Variants in ACTR3C observed in about 807,000 individuals in gnomAD.
ACTR3C encodes actin-related protein 3C.
In ACTR3C, 18 loss-of-function variants were observed where a neutral mutation model predicts 26.3. The ratio of observed to expected loss-of-function variants is 0.68; its 90% CI spans 0.47 to 1.01. The LOEUF (loss-of-function observed/expected upper bound fraction) is 1.01. ACTR3C is among the 50% of genes least tolerant of loss of function. The pLI is 0.00. For missense variants in ACTR3C, 184 were observed against 250.7 expected, an observed-to-expected ratio of 0.73 and a Z score of 1.80; for synonymous variants, 55 against 94.5, an observed-to-expected ratio of 0.58 and a Z score of 2.42.
At chr7:149,908,360 A>G in the ACTR3C span, among the ~76,000 whole-genome samples, 2,369 of 152,334 alleles carry the variant, frequency 0.016, 57 homozygotes, top group African/African-American at 0.054. Context: ...GCCTGTCATC[A>G]GGATAACCCA....
chr7:149,962,508 G>A, the ACTR3C span, among the ~76,000 whole-genome samples: 17 of 152,064 alleles, frequency 1.1e-4, no homozygotes, highest in Non-Finnish European at 2.2e-4. Context: ...GGAGCACATC[G>A]GGAGTCAGGC....
At chr7:150,312,223 T>C (rs1341488136) in intron 1 of ACTR3C, among the ~76,000 whole-genome samples, 1 of 152,182 alleles carries the variant, frequency 6.6e-6, no homozygotes, top group Non-Finnish European at 1.5e-5. Flanking sequence ...AAAAACCCAC[T>C]CTACCAGTCT....
the ACTR3C span, among the ~76,000 whole-genome samples, chr7:150,131,409 G>A: frequency 2.0e-5 from 3 of 151,482 alleles, no homozygotes; most frequent in South Asian, 2.1e-4. Flanking sequence ...ATAAGCAATA[G>A]GATGAGAAAT....
the ACTR3C span, among the ~76,000 whole-genome samples, chr7:149,948,690 C>T: frequency 0.052 from 7,660 of 146,518 alleles, 212 homozygotes; most frequent in African/African-American, 0.18. Context: ...CTCCCCAGGC[C>T]TTGCTCAGTG....
the ACTR3C span, among the ~76,000 whole-genome samples, chr7:149,971,656 A>C: frequency 1.3e-5 from 2 of 152,230 alleles, no homozygotes; most frequent in African/African-American, 2.4e-5. Context: ...TTCACGTCTT[A>C]GTTTGCATCC....
chr7:150,036,941 C>A, the ACTR3C span, among the ~76,000 whole-genome samples: 32 of 83,108 alleles, frequency 3.9e-4, no homozygotes, highest in South Asian at 1.0e-3. Flanking sequence ...GTCCTAAGAG[C>A]CAGTGGGGGA....
chr7:150,214,576 A>G, the ACTR3C span, among the ~76,000 whole-genome samples: 1 of 151,866 alleles, frequency 6.6e-6, no homozygotes, highest in Non-Finnish European at 1.5e-5. Flanking sequence ...GTAAAGCAAT[A>G]TAAGCTGTAT....
At chr7:150,082,526 T>C in the ACTR3C span, among the ~76,000 whole-genome samples, 1 of 152,158 alleles carries the variant, frequency 6.6e-6, no homozygotes. Context: ...GGCCTCGTGG[T>C]GGCCTTGTCT....
At chr7:150,039,362 C>A in the ACTR3C span, among the ~76,000 whole-genome samples, 1 of 100,710 alleles carries the variant, frequency 9.9e-6, no homozygotes, top group African/African-American at 2.9e-5. Context: ...GGGTTGCCTC[C>A]CCCTCCTGCG....
the ACTR3C span, among the ~76,000 whole-genome samples, chr7:149,926,183 A>G: frequency 6.6e-6 from 1 of 152,346 alleles, no homozygotes; most frequent in Admixed American, 6.5e-5. Context: ...CCGATTGCCT[A>G]AAGAAAACAA....
At chr7:150,306,477 G>GA (rs1563202407) in intron 1 of ACTR3C, among the ~76,000 whole-genome samples, 1 of 152,150 alleles carries the variant, frequency 6.6e-6, no homozygotes, top group African/African-American at 2.4e-5. Context: ...TGACAGGTGG[G>GA]AATCTGTGAT....
At position 150,307,427 on chromosome 7, in the gene ACTR3C, C is replaced by G. The variant is rs576958791; in HGVS notation, c.-51-12080G>C. Among the ~76,000 whole-genome samples the G allele has an allele frequency of 5.3e-5, 8 of 152,332 alleles. No individual in the cohort carries two copies. In the South Asian group the frequency reaches 1.7e-3, roughly 32 times the overall value. Reference sequence around the variant, plus strand: ...ACCATTGTGACTTGTCCCTGCCCTACCTTAACTGATCAGTCGACCTTGTGA... The same window carrying G: ...ACCATTGTGACTTGTCCCTGCCCTAGCTTAACTGATCAGTCGACCTTGTGA... On this transcript the variant is annotated intron_variant, in intron 1 of 7. Transcript: ENST00000683684.
the ACTR3C span, among the ~76,000 whole-genome samples, chr7:150,202,440 G>C: frequency 6.6e-6 from 1 of 152,076 alleles, no homozygotes; most frequent in African/African-American, 2.4e-5. Context: ...GAGAAACTCA[G>C]CATGTGTGAA....
the ACTR3C span, among the ~76,000 whole-genome samples, chr7:149,893,253 C>T: frequency 6.6e-6 from 1 of 152,118 alleles, no homozygotes; most frequent in Non-Finnish European, 1.5e-5. Flanking sequence ...GTTCTGTACA[C>T]GTGTTTGATG....
chr7:150,105,713 G>A, the ACTR3C span, among the ~76,000 whole-genome samples: 32 of 152,006 alleles, frequency 2.1e-4, no homozygotes, highest in Admixed American at 1.3e-4. Flanking sequence ...ATCACATATT[G>A]AGAAGACAAA....
rs1303066215 is a variant in ACTR3C, at chr7:150,289,458, C to A, written c.289G>T (p.Ala97Ser). ...PPEQSLETAK[A>S]IKEKYCYICP... is the part of the protein sequence containing the mutation. The stretch of plus-strand genomic sequence containing the variant: ...TTCCCATCTGTTTTTACCTTAATGG[C>A]TTTTGCGGTCTCCAGTGACTGCTCA... The change falls in exon 4 of 8, where the codon GCC becomes TCC. Residue 97 changes from alanine (A) to serine (S), a missense_variant. Physicochemically the swap from Ala to Ser is moderately conservative, Grantham distance 99. Transcript: ENST00000683684. 11 of 1,579,110 alleles carry A rather than the reference C, an allele frequency of 7.0e-6. No individual in the cohort carries two copies. The highest frequency in any genetic ancestry group is 9.4e-6 in the Non-Finnish European group (11 of 1,165,606).
the ACTR3C span, among the ~76,000 whole-genome samples, chr7:150,233,630 CTTTA>C: frequency 6.6e-6 from 1 of 151,974 alleles, no homozygotes; most frequent in African/African-American, 2.4e-5. Context: ...TGAAGACATT[CTTTA>C]TTTATGTCAG....
chr7:150,099,972 A>G, the ACTR3C span, among the ~76,000 whole-genome samples: 1 of 151,758 alleles, frequency 6.6e-6, no homozygotes, highest in African/African-American at 2.4e-5. Flanking sequence ...ATAAGTATCC[A>G]GGAAACGTCA....
At chr7:150,318,508 A>C (rs1156503339) in intron 1 of ACTR3C, among the ~76,000 whole-genome samples, 2 of 152,208 alleles carry the variant, frequency 1.3e-5, no homozygotes, top group African/African-American at 4.8e-5. Flanking sequence ...TCACGCCTGT[A>C]ATCCCAGCAC....
Sources: allele counts gnomAD v4.1 joint callset (sites outside exome capture counted in the v4.1 genomes callset), GRCh38; gene constraint gnomAD v4.1.1; transcripts MANE v1.5; gene names NCBI Gene and HGNC (gene_info 2026-07-23, HGNC 2026-07-21).